The following RNLS variants were observed in gnomAD, a reference collection of about 807,000 sequenced individuals.
The protein encoded by RNLS is renalase.
In RNLS, 39 loss-of-function variants were observed where a neutral mutation model predicts 39.8. The observed-to-expected ratio is 0.98, with a 90% CI of 0.76 to 1.28. The LOEUF is 1.28. RNLS is among the 50% of genes most tolerant of loss of function. RNLS has a pLI of 0.00. For synonymous variants in RNLS, 147 were observed against 150.7 expected (o/e 0.98, Z 0.18); for missense variants, 410 against 413.3 (o/e 0.99, Z 0.07).
At chr10:88,560,443 C>T (rs1849106660) in intron 4 of RNLS, among the ~76,000 whole-genome samples, 1 of 152,122 alleles carries the variant, frequency 6.6e-6, no homozygotes, top group African/African-American at 2.4e-5. Flanking sequence ...ACCCTGAGCC[C>T]CACTACCCTG....
At chr10:88,517,716 C>A (rs1258339725) in intron 4 of RNLS, among the ~76,000 whole-genome samples, 1 of 151,722 alleles carries the variant, frequency 6.6e-6, no homozygotes, top group Non-Finnish European at 1.5e-5. Context: ...AACACAAATG[C>A]CTGAAGGCCT....
intron 6 of RNLS, among the ~76,000 whole-genome samples, chr10:88,302,904 G>A (rs1330894242): frequency 6.6e-6 from 1 of 152,200 alleles, no homozygotes; most frequent in African/African-American, 2.4e-5. Flanking sequence ...ATGCAGCCAG[G>A]TGGAATGGCT....
chr10:88,309,265 C>T (rs1845173430), intron 6 of RNLS: 1 of 297,498 alleles, frequency 3.4e-6, no homozygotes, highest in Non-Finnish European at 5.0e-6. Context: ...ACGCGTACCC[C>T]TGAACTTAAA....
chr10:88,314,860 A>T (rs1271394066), intron 5 of RNLS, among the ~76,000 whole-genome samples: 1 of 152,224 alleles, frequency 6.6e-6, no homozygotes, highest in Non-Finnish European at 1.5e-5. Flanking sequence ...TTAGTGAAAA[A>T]TTGTCAGATA....
At chr10:88,521,898 G>A (rs1846764861) in intron 4 of RNLS, among the ~76,000 whole-genome samples, 1 of 151,986 alleles carries the variant, frequency 6.6e-6, no homozygotes, top group Admixed American at 6.6e-5. Flanking sequence ...GCTAATAAGT[G>A]AACATTAGAA....
At chr10:88,337,322 C>T (rs1847577574) in intron 5 of RNLS, among the ~76,000 whole-genome samples, 1 of 152,128 alleles carries the variant, frequency 6.6e-6, no homozygotes, top group Non-Finnish European at 1.5e-5. Context: ...ATGTCAGCTG[C>T]TCAGCATCCA....
At chr10:88,462,261 C>T (rs1186880516) in intron 4 of RNLS, among the ~76,000 whole-genome samples, 2 of 151,884 alleles carry the variant, frequency 1.3e-5, no homozygotes, top group Admixed American at 1.3e-4. Flanking sequence ...TTCTGAGGCA[C>T]ATGAGATATT....
At chr10:88,199,614 C>T in the RNLS span, among the ~76,000 whole-genome samples, 1 of 152,122 alleles carries the variant, frequency 6.6e-6, no homozygotes, top group Admixed American at 6.6e-5. Context: ...GTCATCAATG[C>T]CAGTGCAGGA....
intron 4 of RNLS, among the ~76,000 whole-genome samples, chr10:88,502,859 A>G (rs1845584191): frequency 6.6e-6 from 1 of 152,194 alleles, no homozygotes; most frequent in Admixed American, 6.5e-5. Flanking sequence ...TTCTCTGATC[A>G]CAATAAATCT....
chr10:88,204,629 A>G, the RNLS span, among the ~76,000 whole-genome samples: 1 of 152,162 alleles, frequency 6.6e-6, no homozygotes, highest in Non-Finnish European at 1.5e-5. Flanking sequence ...AAATAATTTC[A>G]TAGGCCTTAC....
chr10:88,316,066 G>GA (rs1424707798), intron 5 of RNLS, among the ~76,000 whole-genome samples: 1 of 152,158 alleles, frequency 6.6e-6, no homozygotes, highest in African/African-American at 2.4e-5. Flanking sequence ...CACAAGAGAA[G>GA]AGAGTCCCAA....
At chr10:88,173,944 T>G in the RNLS span, among the ~76,000 whole-genome samples, 2 of 152,106 alleles carry the variant, frequency 1.3e-5, no homozygotes, top group African/African-American at 4.8e-5. Flanking sequence ...TGTTATGTAG[T>G]TTTCATTGTA....
the RNLS span, among the ~76,000 whole-genome samples, chr10:88,186,898 T>G: frequency 6.6e-5 from 10 of 151,928 alleles, no homozygotes; most frequent in Non-Finnish European, 1.0e-4. Flanking sequence ...TCAGGTATAC[T>G]TTCTAGAGAG....
chr10:88,420,736 A>G (rs1348113607), intron 4 of RNLS, among the ~76,000 whole-genome samples: 1 of 152,280 alleles, frequency 6.6e-6, no homozygotes, highest in Non-Finnish European at 1.5e-5. Flanking sequence ...TCCAAAGGTC[A>G]TAATGTGAAC....
At chr10:88,292,190 G>A (rs570760254) in intron 6 of RNLS, among the ~76,000 whole-genome samples, 1 of 151,048 alleles carries the variant, frequency 6.6e-6, no homozygotes, top group Non-Finnish European at 1.5e-5. Flanking sequence ...GGGTCTTGGA[G>A]GACAGTTGCT....
In RNLS at chr10:88,347,170, G is replaced by A. The variant is rs533708470; in HGVS notation, c.700+15382C>T. Among the ~76,000 whole-genome samples, 16 of 152,250 alleles carry A rather than the reference G, an allele frequency of 1.1e-4. No homozygotes were observed. The East Asian group carries it at 3.1e-3, about 29-fold the overall frequency. ...TATGATACTGTTCTCAACTTGCAAAGGTTTTGAGATGCCTCCAGAATGATG... is the reference window on the plus strand; with the variant it reads ...TATGATACTGTTCTCAACTTGCAAAAGTTTTGAGATGCCTCCAGAATGATG... On this transcript the variant is annotated intron_variant, in intron 5 of 6. Transcript: ENST00000331772.
intron 4 of RNLS, among the ~76,000 whole-genome samples, chr10:88,470,889 C>T (rs1843484284): frequency 6.6e-6 from 1 of 152,134 alleles, no homozygotes; most frequent in African/African-American, 2.4e-5. Context: ...GCTGGGATTA[C>T]AGGTGTGAGC....
At chr10:88,361,621 A>G (rs1253359082) in intron 5 of RNLS, among the ~76,000 whole-genome samples, 1 of 152,234 alleles carries the variant, frequency 6.6e-6, no homozygotes, top group Non-Finnish European at 1.5e-5. Context: ...TATAAAAGAA[A>G]CATTTTTCTA....
chr10:88,213,123 C>G, the RNLS span, among the ~76,000 whole-genome samples: 1 of 152,266 alleles, frequency 6.6e-6, no homozygotes, highest in East Asian at 1.9e-4. Context: ...CTTCTGAGAT[C>G]CAAGATTCTT....
Sources: gnomAD v4.1 joint callset for allele counts (sites outside exome capture counted in the v4.1 genomes callset) on GRCh38, gnomAD v4.1.1 for gene constraint, MANE v1.5 for transcripts, NCBI Gene and HGNC (gene_info 2026-07-23, HGNC 2026-07-21) for gene names.